The following CMSS1 variants were observed in gnomAD, a reference collection of about 807,000 sequenced individuals.
CMSS1 encodes protein CMSS1.
A neutral mutation model predicts 43.5 loss-of-function variants in CMSS1; 33 were observed. The observed-to-expected ratio is 0.76, with a 90% CI of 0.57 to 1.01. The LOEUF is 1.01. Among genes scored for constraint, CMSS1 ranks in the 50% least tolerant of loss-of-function variants. The pLI, the probability that CMSS1 is intolerant of heterozygous loss-of-function variation, is 0.00. For missense variants in CMSS1, 313 were observed against 326.4 expected, an observed-to-expected ratio of 0.96 and a Z score of 0.32; for synonymous variants, 115 against 117.2, an observed-to-expected ratio of 0.98 and a Z score of 0.12.
intron 1 of CMSS1, among the ~76,000 whole-genome samples, chr3:99,988,460 C>T (rs563584688): frequency 5.5e-4 from 74 of 134,764 alleles, no homozygotes; most frequent in African/African-American, 1.8e-3. Flanking sequence ...TGCAGTGAGC[C>T]GAGATCATGC....
At chr3:100,082,193 T>C (rs915943195) in intron 1 of CMSS1, among the ~76,000 whole-genome samples, 9 of 152,240 alleles carry the variant, frequency 5.9e-5, no homozygotes, top group Non-Finnish European at 1.5e-5. Flanking sequence ...AAGAACATTA[T>C]TGCTAAAGAG....
At chr3:99,973,957 C>A (rs1461712447) in intron 1 of CMSS1, among the ~76,000 whole-genome samples, 1 of 152,182 alleles carries the variant, frequency 6.6e-6, no homozygotes, top group Non-Finnish European at 1.5e-5. Context: ...CCACTGTTTC[C>A]TGTAACCCAC....
chr3:100,048,910 G>A (rs2065323130), intron 1 of CMSS1, among the ~76,000 whole-genome samples: 1 of 152,130 alleles, frequency 6.6e-6, no homozygotes, highest in South Asian at 2.1e-4. Context: ...TATGGACTTG[G>A]ACAGTTATGG....
chr3:100,018,577 C>T (rs1035582710), intron 1 of CMSS1, among the ~76,000 whole-genome samples: 17 of 152,042 alleles, frequency 1.1e-4, no homozygotes, highest in Middle Eastern at 3.4e-3. Flanking sequence ...AAGACTAAAA[C>T]TTAAGGCTGA....
At chr3:100,162,858 C>T (rs1288596881) in intron 4 of CMSS1, among the ~76,000 whole-genome samples, 1 of 152,050 alleles carries the variant, frequency 6.6e-6, no homozygotes, top group African/African-American at 2.4e-5. Flanking sequence ...GCCTGTAATC[C>T]CACCTACTTG....
intron 1 of CMSS1, among the ~76,000 whole-genome samples, chr3:99,886,159 CCTA>C (rs2107608388): frequency 6.6e-6 from 1 of 152,308 alleles, no homozygotes; most frequent in Non-Finnish European, 1.5e-5. Flanking sequence ...ATAGAAGAGT[CCTA>C]CTGTATTCTT....
intron 1 of CMSS1, among the ~76,000 whole-genome samples, chr3:100,061,121 AAAGGCACTG>A: frequency 6.6e-6 from 1 of 152,186 alleles, no homozygotes; most frequent in Admixed American, 6.5e-5. Flanking sequence ...ATCAAGGCAG[AAAGGCACTG>A]TTAAAATTTA....
At chr3:100,145,118 G>A (rs571055238) in intron 1 of CMSS1, among the ~76,000 whole-genome samples, 11 of 152,036 alleles carry the variant, frequency 7.2e-5, no homozygotes, top group Non-Finnish European at 8.8e-5. Flanking sequence ...TTTTGGGTAG[G>A]CTTTTTTTCT....
rs532866592 is a variant in CMSS1 at position 100,069,551 on chromosome 3, A to G, written c.65-77422A>G. Among the ~76,000 whole-genome samples, 9 of 152,222 alleles carry G rather than the reference A, an allele frequency of 5.9e-5. No homozygotes were observed. In the South Asian group the frequency reaches 8.3e-4, roughly 14 times the overall value. ...TCTGATACGGCAGCCAATGGAATCAATGTCACAGTCTAAAAACTAGTGGTT... is the reference window on the plus strand; with the variant it reads ...TCTGATACGGCAGCCAATGGAATCAGTGTCACAGTCTAAAAACTAGTGGTT... On this transcript the variant is annotated intron_variant, in intron 1 of 9. Coordinates refer to ENST00000421999, the MANE Select transcript of CMSS1 (RefSeq NM_032359.4).
intron 1 of CMSS1, among the ~76,000 whole-genome samples, chr3:100,026,250 A>G (rs2064918963): frequency 6.6e-6 from 1 of 152,110 alleles, no homozygotes; most frequent in Admixed American, 6.6e-5. Context: ...TTTAGTCAAA[A>G]TTGTGGGCAA....
intron 1 of CMSS1, among the ~76,000 whole-genome samples, chr3:99,921,305 C>T (rs1707116680): frequency 6.6e-6 from 1 of 152,092 alleles, no homozygotes; most frequent in Admixed American, 6.5e-5. Flanking sequence ...CATTAGTTTC[C>T]CCCACTTCCT....
intron 1 of CMSS1, among the ~76,000 whole-genome samples, chr3:100,013,233 T>C (rs1231479530): frequency 1.3e-5 from 2 of 150,990 alleles, no homozygotes; most frequent in Non-Finnish European, 2.9e-5. Flanking sequence ...TTGTTGTTGT[T>C]GTTGTTGTTG....
At chr3:100,038,813 A>G (rs1308973143) in intron 1 of CMSS1, among the ~76,000 whole-genome samples, 1 of 152,144 alleles carries the variant, frequency 6.6e-6, no homozygotes, top group Non-Finnish European at 1.5e-5. Context: ...CTCCTTATGT[A>G]CTGATACAGC....
chr3:100,157,019 G>A (rs938173377), intron 2 of CMSS1, among the ~76,000 whole-genome samples: 3 of 152,234 alleles, frequency 2.0e-5, no homozygotes, highest in Admixed American at 2.0e-4. Context: ...GCCCCACAAA[G>A]CACTAGGGTT....
chr3:100,168,727 A>G (rs977194678), intron 6 of CMSS1, among the ~76,000 whole-genome samples: 12 of 151,904 alleles, frequency 7.9e-5, no homozygotes, highest in South Asian at 2.1e-4. Context: ...TAAAACTCCA[A>G]TAGAATTGTG....
chr3:100,072,339 A>G lies in CMSS1; in HGVS notation c.65-74634A>G, dbSNP rs958036679. On this transcript the variant is annotated intron_variant, in intron 1 of 9. Coordinates refer to ENST00000421999, the MANE Select transcript of CMSS1 (RefSeq NM_032359.4). Reference sequence around the variant, plus strand: ...CCCTAGTTCATTCTGTGCATTTCCAAATCTGGGCTCAAACTTGAACATGGC... The same window carrying G: ...CCCTAGTTCATTCTGTGCATTTCCAGATCTGGGCTCAAACTTGAACATGGC... 4.6e-5 allele frequency among the ~76,000 whole-genome samples: 7 copies of G among 152,184 alleles called. No homozygotes were observed. The East Asian group carries it at 1.3e-3, about 29-fold the overall frequency.
At chr3:100,114,308 CT>C (rs1332599941) in intron 1 of CMSS1, 2 of 152,158 alleles carry the variant, frequency 1.3e-5, no homozygotes, top group African/African-American at 2.4e-5. Flanking sequence ...CCTCTTCCCT[CT>C]CCGGGCAGTG....
At chr3:100,155,728 T>A (rs1029310688) in intron 2 of CMSS1, among the ~76,000 whole-genome samples, 1 of 152,222 alleles carries the variant, frequency 6.6e-6, no homozygotes, top group Non-Finnish European at 1.5e-5. Context: ...TTTGAATATG[T>A]CTTTATTCTA....
chr3:99,827,406 G>A (rs1481374475), intron 1 of CMSS1, among the ~76,000 whole-genome samples: 1 of 152,030 alleles, frequency 6.6e-6, no homozygotes, highest in African/African-American at 2.4e-5. Flanking sequence ...TGACCAGACT[G>A]GCCTCAAACT....
Sources: allele counts gnomAD v4.1 joint callset (sites outside exome capture counted in the v4.1 genomes callset), GRCh38; gene constraint gnomAD v4.1.1; transcripts MANE v1.5; gene names NCBI Gene and HGNC (gene_info 2026-07-23, HGNC 2026-07-21).